Variants in TMPRSS9 observed in about 807,000 individuals in gnomAD.
TMPRSS9 encodes transmembrane serine protease 9, also known as transmembrane protease serine 9.
Under a neutral mutation model 111.4 loss-of-function variants are expected in TMPRSS9, and 113 were observed. The ratio of observed to expected loss-of-function variants is 1.01; its 90% CI spans 0.87 to 1.19. The LOEUF is 1.19. TMPRSS9 is among the 50% of genes most tolerant of loss of function. The pLI is 0.00. For missense variants in TMPRSS9, 1,803 were observed against 1,513.1 expected, an observed-to-expected ratio of 1.19 and a Z score of -3.18; for synonymous variants, 805 against 659.1, an observed-to-expected ratio of 1.22 and a Z score of -3.39.
chr19:2,389,721 C>G, upstream of TMPRSS9: 1 of 1,545,638 alleles, frequency 6.5e-7, no homozygotes, highest in South Asian at 1.2e-5. Flanking sequence ...GCACCTTCAG[C>G]CTCTGACCCC....
exon 11 of TMPRSS9, chr19:2,415,717 G>A (rs373455434): frequency 4.4e-5 from 71 of 1,608,822 alleles, no homozygotes; most frequent in African/African-American, 6.7e-5. Flanking sequence ...GGTCGTGGGC[G>A]GGTTCGGAGC....
chr19:2,396,795 C>T (rs565278423), intron 2 of TMPRSS9, 129 bp downstream of exon 3: 129 of 1,345,472 alleles, frequency 9.6e-5, no homozygotes, highest in African/African-American at 2.0e-4. Context: ...GCTGTGAGAC[C>T]GGGAGGCCAG....
intron 8 of TMPRSS9, among the ~76,000 whole-genome samples, chr19:2,409,050 CAGTG>C (rs930432041): frequency 4.1e-5 from 6 of 146,776 alleles, no homozygotes; most frequent in Middle Eastern, 3.6e-3. Context: ...CAGAAAAACA[CAGTG>C]GGTCTGCATT....
chr19:2,405,520 G>GTGTCTGC lies in TMPRSS9; in HGVS notation c.820_826dup (p.Ala276ValfsTer8). 2.5e-6 allele frequency: 4 copies of GTGTCTGC among 1,594,918 alleles called. No individual in the cohort carries two copies. The highest frequency in any genetic ancestry group is 3.4e-6 in the Non-Finnish European group (4 of 1,172,758). ...CGCCATCATCAACGCCAGGTGGCTG[G>GTGTCTGC]TGTCTGCTGCTCACTGCTTCAATGA... On this transcript the variant is annotated frameshift_variant, in exon 7 of 18. Transcript: ENST00000648592. LOFTEE classifies it high-confidence loss of function.
At chr19:2,407,950 AT>A (rs1046315408) in intron 7 of TMPRSS9, among the ~76,000 whole-genome samples, 4 of 151,654 alleles carry the variant, frequency 2.6e-5, no homozygotes, top group Non-Finnish European at 4.4e-5. Flanking sequence ...TGCCCGGCTA[AT>A]TTTTGTATTT....
At chr19:2,384,405 G>A (rs1011218274) in intron 1 of TMPRSS9, among the ~76,000 whole-genome samples, 1 of 152,208 alleles carries the variant, frequency 6.6e-6, no homozygotes, top group African/African-American at 2.4e-5. Context: ...ACCAGGTGTG[G>A]TGGCTCCCGC....
At position 2,399,213 on chromosome 19, in the gene TMPRSS9, C is replaced by T. The variant is rs368056976; in HGVS notation, c.514+20C>T. ...TCACAGGTGAGTGGGCAGCCGAGACCGAAACCCCATCACGAGGAGGCTGGA... is the reference window on the plus strand; with the variant it reads ...TCACAGGTGAGTGGGCAGCCGAGACTGAAACCCCATCACGAGGAGGCTGGA... On this transcript the variant is annotated intron_variant, in intron 4 of 17. Transcript: ENST00000648592. 9.6e-6 allele frequency: 15 copies of T among 1,560,478 alleles called. No homozygotes were observed. Among genetic ancestry groups the T allele is most frequent in the Admixed American group, 9.6e-5 (5 of 52,316 alleles).
chr19:2,421,941 C>T lies in TMPRSS9; in HGVS notation c.2242C>T (p.Gln748Ter). The T allele has an allele frequency of 6.2e-7, 1 of 1,613,152 alleles. No individual in the cohort carries two copies. Among genetic ancestry groups the T allele is most frequent in the Non-Finnish European group, 8.5e-7 (1 of 1,179,960 alleles). ...CGTGAGCTGGGGTATTGGCTGCGCT[C>T]AGGTTAAGAAGCCGGGCGTGTACAC... is the stretch of plus-strand genomic sequence containing the variant. Residue 748 changes from glutamine (Q) to a stop codon, truncating the protein, a stop_gained, in exon 14 of 18, where the codon CAG becomes TAG. Transcript: ENST00000648592. LOFTEE classifies it high-confidence loss of function.
intron 1 of TMPRSS9, among the ~76,000 whole-genome samples, chr19:2,384,179 GAGGCC>G (rs893588045): frequency 6.6e-6 from 1 of 152,176 alleles, no homozygotes; most frequent in Non-Finnish European, 1.5e-5. Context: ...AAGTGTGTTG[GAGGCC>G]AGGCATGAAT....
upstream of TMPRSS9, among the ~76,000 whole-genome samples, chr19:2,385,166 G>A (rs186560052): frequency 0.052 from 6,567 of 126,420 alleles, 219 homozygotes; most frequent in African/African-American, 0.12. Flanking sequence ...CGGAGGGCGG[G>A]GCTCGCGGGG....
rs1250808255 is a variant in TMPRSS9, at chr19:2,405,998, TTTTC to T, written c.842+469_842+472del. Among the ~76,000 whole-genome samples, 478 of 146,380 alleles carry T rather than the reference TTTTC, an allele frequency of 3.3e-3. 1 individual carries two copies. Among genetic ancestry groups the T allele is most frequent in the African/African-American group, 7.8e-3 (310 of 39,676 alleles). On this transcript the variant is annotated intron_variant, in intron 7 of 17. Transcript: ENST00000648592. ...GGTGTGAGCCATCGTGCCCGGCCTC[TTTTC>T]TTTCTTTCTTTCTTTTTTTTTTTTT...
chr19:2,360,368 G>A lies in TMPRSS9; in HGVS notation c.-26+8G>A, dbSNP rs2145231207. 6.6e-6 allele frequency among the ~76,000 whole-genome samples: 1 copy of A among 151,060 alleles called. No homozygotes were observed. The highest frequency in any genetic ancestry group is 2.1e-4 in the South Asian group (1 of 4,796). ...CCACTTCCTCCAACCCCGGTGAGTC[G>A]GGGTCTCCTGCGGGCTCAGCCTCCC... On this transcript the variant is annotated splice_region_variant and intron_variant, in intron 1 of 17. Transcript: ENST00000649857.
At chr19:2,361,568 A>G (rs574514366) in intron 1 of TMPRSS9, among the ~76,000 whole-genome samples, 46 of 152,220 alleles carry the variant, frequency 3.0e-4, no homozygotes, top group African/African-American at 1.0e-3. Context: ...CCTGGATTCA[A>G]TTAGCCCCGG....
chr19:2,417,403 C>T (rs1037364003), intron 12 of TMPRSS9, among the ~76,000 whole-genome samples: 3 of 150,562 alleles, frequency 2.0e-5, no homozygotes, highest in Non-Finnish European at 4.4e-5. Flanking sequence ...GAGGCAGAGG[C>T]TGCAGTGAGC....
chr19:2,413,838 A>C (rs1568186188), exon 10 of TMPRSS9: 2 of 1,613,674 alleles, frequency 1.2e-6, no homozygotes, highest in Non-Finnish European at 1.7e-6. Flanking sequence ...ACGTGACTGG[A>C]TCCTGGAGGC....
exon 6 of TMPRSS9, chr19:2,403,190 A>G (rs1329978079): frequency 6.2e-7 from 1 of 1,605,636 alleles, no homozygotes; most frequent in Non-Finnish European, 8.5e-7. Flanking sequence ...GACGAGGCGC[A>G]CTGCGGTCAG....
intron 4 of TMPRSS9, among the ~76,000 whole-genome samples, chr19:2,400,557 A>C (rs183380866): frequency 3.9e-5 from 6 of 152,096 alleles, no homozygotes; most frequent in Middle Eastern, 3.4e-3. Flanking sequence ...AAAATTAATA[A>C]AAATAAAAAA....
At position 2,395,303 on chromosome 19, in the gene TMPRSS9, C is replaced by T. The variant is rs189886310; in HGVS notation, c.143-1236C>T. ...GGTGTGGTGGTCCACGCCTGTAATC[C>T]CAGCTACTCAGCAGGTTGAGGCAGG... On this transcript the variant is annotated intron_variant, in intron 1 of 17. Transcript: ENST00000648592. 3.3e-4 allele frequency among the ~76,000 whole-genome samples: 50 copies of T among 151,580 alleles called. No homozygotes were observed. The East Asian group carries it at 8.6e-3, about 26-fold the overall frequency.
At chr19:2,398,500 C>T (rs1322005355) in intron 2 of TMPRSS9, among the ~76,000 whole-genome samples, 1 of 151,840 alleles carries the variant, frequency 6.6e-6, no homozygotes, top group African/African-American at 2.4e-5. Flanking sequence ...CACCTGTAAT[C>T]CCAGCTTCTT....
Sources: gnomAD v4.1 joint callset for allele counts (sites outside exome capture counted in the v4.1 genomes callset) on GRCh38, gnomAD v4.1.1 for gene constraint, MANE v1.5 for transcripts, NCBI Gene and HGNC (gene_info 2026-07-23, HGNC 2026-07-21) for gene names.